The following DENND1A variants were observed in gnomAD, a reference collection of about 807,000 sequenced individuals.
The protein encoded by DENND1A is DENN domain containing 1A.
In DENND1A, 51 loss-of-function variants were observed where a neutral mutation model predicts 113.7. The observed-to-expected ratio is 0.45, with a 90% CI of 0.36 to 0.57. DENND1A has a LOEUF of 0.57. DENND1A is among the 20% of genes least tolerant of loss of function. The pLI is 0.00. For missense variants in DENND1A, 1,258 were observed against 1,395.9 expected, an observed-to-expected ratio of 0.90 and a Z score of 1.57; for synonymous variants, 565 against 570.8, an observed-to-expected ratio of 0.99 and a Z score of 0.14.
chr9:123,463,055 A>G (rs898533305), intron 13 of DENND1A, among the ~76,000 whole-genome samples: 6 of 152,168 alleles, frequency 3.9e-5, no homozygotes, highest in African/African-American at 7.2e-5. Flanking sequence ...TCTCCCCTGA[A>G]GTGCTGATTT....
intron 13 of DENND1A, among the ~76,000 whole-genome samples, chr9:123,463,086 GC>G (rs1191991531): frequency 1.3e-5 from 2 of 152,190 alleles, no homozygotes; most frequent in Non-Finnish European, 2.9e-5. Flanking sequence ...GGCTGATTAA[GC>G]CCTTTGTCTT....
chr9:123,730,636 G>A (rs1390041247), intron 5 of DENND1A, among the ~76,000 whole-genome samples: 1 of 152,142 alleles, frequency 6.6e-6, no homozygotes. Flanking sequence ...GTAGAAGTAG[G>A]AACGCTTTTA....
At chr9:123,818,018 C>T (rs1837784107) in intron 2 of DENND1A, among the ~76,000 whole-genome samples, 1 of 150,528 alleles carries the variant, frequency 6.6e-6, no homozygotes, top group Non-Finnish European at 1.5e-5. Context: ...CAGAGTGAGA[C>T]TCCGTTAAAA....
Position 123,914,578 on chromosome 9 carries a change from T to A in DENND1A, c.17+15311A>T, listed in dbSNP as rs562113860. On this transcript the variant is annotated intron_variant, in intron 1 of 23. Coordinates refer to ENST00000394215, the MANE Select transcript of DENND1A (RefSeq NM_001352964.2). ...AAAAAAAAAAAGAAATACCCAAGAC[T>A]GGGTAATTGATAAAGAAAAGAGGTT... Among the ~76,000 whole-genome samples the A allele has an allele frequency of 1.9e-3, 278 of 146,658 alleles. 2 individuals carry two copies. Among genetic ancestry groups the A allele is most frequent in the Non-Finnish European group, 2.8e-3 (189 of 66,810 alleles).
chr9:123,417,608 C>T lies in DENND1A; in HGVS notation c.1489-5779G>A, dbSNP rs891187991. 1.1e-4 allele frequency among the ~76,000 whole-genome samples: 17 copies of T among 152,240 alleles called. No individual in the cohort carries two copies. The South Asian group carries it at 1.7e-3, about 15-fold the overall frequency. On this transcript the variant is annotated intron_variant, in intron 19 of 23. Coordinates refer to ENST00000394215, the MANE Select transcript of DENND1A (RefSeq NM_001352964.2). ...AAGTCACCTGGAATCCTTTCTGACACGGTTCTTCTAATCCTTGTCCCTTCT... is the reference window on the plus strand; with the variant it reads ...AAGTCACCTGGAATCCTTTCTGACATGGTTCTTCTAATCCTTGTCCCTTCT...
At chr9:123,687,777 C>CT (rs1301153486) in intron 5 of DENND1A, among the ~76,000 whole-genome samples, 1 of 152,234 alleles carries the variant, frequency 6.6e-6, no homozygotes, top group Admixed American at 6.5e-5. Flanking sequence ...CTTCTTCTTG[C>CT]TTCACTCTGC....
chr9:123,688,931 T>C (rs1326618573), intron 5 of DENND1A, among the ~76,000 whole-genome samples: 1 of 152,230 alleles, frequency 6.6e-6, no homozygotes, highest in Non-Finnish European at 1.5e-5. Flanking sequence ...GCTGTATTTA[T>C]AATTTTCAAA....
At chr9:123,485,581 C>T (rs1355108433) in intron 13 of DENND1A, 1 of 151,656 alleles carries the variant, frequency 6.6e-6, no homozygotes, top group East Asian at 1.9e-4. Flanking sequence ...GGCTGAAAGA[C>T]CTTACCTCTC....
At chr9:123,664,966 T>C (rs2063424788) in intron 8 of DENND1A, among the ~76,000 whole-genome samples, 1 of 152,220 alleles carries the variant, frequency 6.6e-6, no homozygotes, top group African/African-American at 2.4e-5. Flanking sequence ...CTCCACTGTC[T>C]ATACTGAATT....
At chr9:123,815,262 C>T (rs1837259924) in intron 2 of DENND1A, among the ~76,000 whole-genome samples, 1 of 152,238 alleles carries the variant, frequency 6.6e-6, no homozygotes, top group African/African-American at 2.4e-5. Flanking sequence ...TAAGCACTGT[C>T]TACAGATGCA....
intron 13 of DENND1A, among the ~76,000 whole-genome samples, chr9:123,531,190 C>T (rs554163576): frequency 9.9e-4 from 151 of 152,088 alleles, no homozygotes; most frequent in African/African-American, 3.5e-3. Flanking sequence ...ATTTTGTAGC[C>T]GTAGTATTCC....
chr9:123,557,899 C>T (rs776962674), intron 12 of DENND1A, among the ~76,000 whole-genome samples: 12 of 151,770 alleles, frequency 7.9e-5, no homozygotes, highest in Admixed American at 2.6e-4. Context: ...AGCTGAGGCA[C>T]GAGAATCACT....
At chr9:123,509,259 A>T (rs1328490687) in intron 13 of DENND1A, among the ~76,000 whole-genome samples, 2 of 152,216 alleles carry the variant, frequency 1.3e-5, no homozygotes, top group Non-Finnish European at 2.9e-5. Context: ...GAGGCAAACA[A>T]GACTTCGCAG....
intron 5 of DENND1A, among the ~76,000 whole-genome samples, chr9:123,726,027 T>A (rs752763339): frequency 6.6e-6 from 1 of 152,340 alleles, no homozygotes; most frequent in Admixed American, 6.5e-5. Context: ...TGGGCATTAG[T>A]GAATGCAGAC....
chr9:123,407,799 C>T (rs768173451), intron 20 of DENND1A, among the ~76,000 whole-genome samples: 12 of 152,168 alleles, frequency 7.9e-5, no homozygotes, highest in Non-Finnish European at 1.2e-4. Context: ...AAATCTAAGT[C>T]GGCAGGGTTA....
At position 123,901,656 on chromosome 9, in the gene DENND1A, T is replaced by A. The variant is rs141495448; in HGVS notation, c.18-22635A>T. Among the ~76,000 whole-genome samples the A allele has an allele frequency of 1.6e-4, 24 of 152,306 alleles. No homozygotes were observed. In the East Asian group the frequency reaches 4.6e-3, roughly 29 times the overall value. On this transcript the variant is annotated intron_variant, in intron 1 of 23. Coordinates refer to ENST00000394215, the MANE Select transcript of DENND1A (RefSeq NM_001352964.2). ...GCTACAAACTCTAGAGTCCTCATCA[T>A]GTGGTTGTGAAGACCTTCTAATCTT...
chr9:123,878,203 C>CA (rs35005889), intron 2 of DENND1A, among the ~76,000 whole-genome samples: 87 of 134,994 alleles, frequency 6.4e-4, no homozygotes, highest in East Asian at 1.1e-3. Flanking sequence ...AACTCCATCT[C>CA]AAAAAAAAAA....
At chr9:123,568,926 C>G (rs940288887) in intron 12 of DENND1A, among the ~76,000 whole-genome samples, 1 of 152,148 alleles carries the variant, frequency 6.6e-6, no homozygotes, top group South Asian at 2.1e-4. Context: ...AAAGAGCTGA[C>G]AGAAATTCAA....
intron 9 of DENND1A, among the ~76,000 whole-genome samples, chr9:123,644,378 C>CAAAAAA (rs10541486): frequency 7.1e-5 from 6 of 84,058 alleles, no homozygotes; most frequent in African/African-American, 1.4e-4. Context: ...TTACAAGCTA[C>CAAAAAA]AAAAAAAAAA....
Sources: allele counts gnomAD v4.1 joint callset (sites outside exome capture counted in the v4.1 genomes callset), GRCh38; gene constraint gnomAD v4.1.1; transcripts MANE v1.5; gene names NCBI Gene and HGNC (gene_info 2026-07-23, HGNC 2026-07-21).